The following HDGFL1 variants were observed in gnomAD, a reference collection of about 807,000 sequenced individuals.
HDGFL1 encodes the protein HDGF like 1.
For missense variants in HDGFL1, 422 were observed against 365.3 expected (o/e 1.16, Z -1.27); for synonymous variants, 190 against 165.1 (o/e 1.15, Z -1.16).
In HDGFL1 at chr6:22,570,111, CGGAGAG is replaced by C. The variant is rs1272006946; in HGVS notation, c.539_544del (p.Glu180_Arg181del). The C allele has an allele frequency of 1.3e-4, 194 of 1,533,996 alleles. No homozygotes were observed. The highest frequency in any genetic ancestry group is 1.6e-4 in the Non-Finnish European group (183 of 1,141,100). ...GCGGAGGCGGAGAGGGCGGCGGAAG[CGGAGAG>C]GGCGGCGGCGGCGGCGGCGGCGACG... is the stretch of plus-strand genomic sequence containing the variant. On this transcript the variant is annotated inframe_deletion, in exon 1 of 1. Transcript: ENST00000510882.
In HDGFL1 at chr6:22,570,861, A is replaced by T. The variant is rs571550087; in HGVS notation, c.*530A>T. 6.0e-6 allele frequency: 1 copy of T among 167,888 alleles called. No individual in the cohort carries two copies. Among genetic ancestry groups the T allele is most frequent in the Admixed American group, 6.5e-5 (1 of 15,306 alleles). 10.4% of individuals were successfully genotyped at this position (167,888 alleles called of 1,614,324 possible). On this transcript the variant is annotated 3_prime_UTR_variant, in exon 1 of 1. Transcript: ENST00000510882. ...GTGGTAGTTAGCGGGCAGGAGAGCG[A>T]CATCTTCCTGAGCTCCTGTCCATGC...
Position 22,569,873 on chromosome 6 carries a change from G to A in HDGFL1, c.298G>A (p.Gly100Ser). The A allele has an allele frequency of 1.3e-6, 2 of 1,587,720 alleles. No individual in the cohort carries two copies. Among genetic ancestry groups the A allele is most frequent in the Non-Finnish European group, 1.7e-6 (2 of 1,167,182 alleles). The change falls in exon 1 of 1, where the codon GGC (glycine) becomes AGC (serine). Residue 100 changes from glycine to serine, a missense_variant. Gly to Ser is a moderately conservative substitution (Grantham distance 56). Transcript: ENST00000510882. ...CGACTGCCCATTAGCCTCAGAGAAG[G>A]GCAGCGGAGACGGGCCTTGGCCGGA... is the stretch of plus-strand genomic sequence containing the variant. ...ASDCPLASEK[G>S]SGDGPWPEPE...
chr6:22,570,251 G>T, the HDGFL1 span: 1 of 1,555,116 alleles, frequency 6.4e-7, no homozygotes. Flanking sequence ...GGAGCTCCGG[G>T]AGGAAGAAGT....
At position 22,570,356 on chromosome 6, in the gene HDGFL1, C is replaced by T. The variant is rs1204386862; in HGVS notation, c.*25C>T. The T allele has an allele frequency of 1.4e-6, 2 of 1,431,984 alleles. No individual in the cohort carries two copies. The highest frequency in any genetic ancestry group is 5.3e-5 in the East Asian group (2 of 37,394). 88.7% of individuals were successfully genotyped at this position (1,431,984 alleles called of 1,614,324 possible). Reference sequence around the variant, plus strand: ...GTTACCAGCGTTTCCAGAAGAGCCCCTGCCCCGTTCCTGCTGCGGCCTGGC... The same window carrying T: ...GTTACCAGCGTTTCCAGAAGAGCCCTTGCCCCGTTCCTGCTGCGGCCTGGC... On this transcript the variant is annotated 3_prime_UTR_variant, in exon 1 of 1. Coordinates refer to ENST00000510882, the MANE Select transcript of HDGFL1 (RefSeq NM_138574.4).
Position 22,570,498 on chromosome 6 carries a change from C to A in HDGFL1, c.*167C>A. 5.2e-6 allele frequency: 3 copies of A among 578,220 alleles called. No homozygotes were observed. The highest frequency in any genetic ancestry group is 4.4e-5 in the South Asian group (1 of 22,482). 35.8% of individuals were successfully genotyped at this position (578,220 alleles called of 1,614,324 possible). A position where few individuals can be genotyped will look rare whatever the true frequency, so the allele number is the denominator to read the frequency against. Reference sequence around the variant, plus strand: ...GCCGGGCCCCAGGATGGCAGGCCACCTGACTCTCACCTCTGTGCCCCCACG... The same window carrying A: ...GCCGGGCCCCAGGATGGCAGGCCACATGACTCTCACCTCTGTGCCCCCACG... On this transcript the variant is annotated 3_prime_UTR_variant, in exon 1 of 1. Coordinates refer to ENST00000510882, the MANE Select transcript of HDGFL1 (RefSeq NM_138574.4).
chr6:22,570,185 G>T lies in HDGFL1; in HGVS notation c.610G>T (p.Gly204Cys). The change falls in exon 1 of 1, where the codon GGC (glycine) becomes TGC (cysteine). Residue 204 changes from glycine (G) to cysteine (C), a missense_variant. Coordinates refer to ENST00000510882, the MANE Select transcript of HDGFL1 (RefSeq NM_138574.4). ...ESPFLVAVEN[G>C]SAPSEPGLVC... ...TCCGTTCCTCGTGGCGGTGGAGAAC[G>T]GCAGCGCCCCTAGCGAGCCGGGCCT... 1 of 1,562,700 alleles carries T rather than the reference G, an allele frequency of 6.4e-7. No homozygotes were observed.
rs1760879082 is a variant in HDGFL1 at position 22,569,677 on chromosome 6, G to A, written c.102G>A (p.Gln34=). 4 of 1,614,182 alleles carry A rather than the reference G, an allele frequency of 2.5e-6. No individual in the cohort carries two copies. Among genetic ancestry groups the A allele is most frequent in the Non-Finnish European group, 2.5e-6 (3 of 1,180,036 alleles). Residue 34 remains glutamine (Q), a synonymous_variant, in exon 1 of 1, where the codon CAG becomes CAA. Transcript: ENST00000510882. ...HWPARIEHMT[Q]PNRYQVFFFG... ...CGGCGAGGATAGAGCACATGACCCAGCCCAACCGCTACCAGGTGTTTTTCT... is the reference window on the plus strand; with the variant it reads ...CGGCGAGGATAGAGCACATGACCCAACCCAACCGCTACCAGGTGTTTTTCT...
rs1222383319 is a variant in HDGFL1 at position 22,570,143 on chromosome 6, G to A, written c.568G>A (p.Ala190Thr). 6.5e-7 allele frequency: 1 copy of A among 1,539,738 alleles called. No homozygotes were observed. The highest frequency in any genetic ancestry group is 8.7e-7 in the Non-Finnish European group (1 of 1,146,334). Residue 190 changes from alanine (A) to threonine (T), a missense_variant, in exon 1 of 1, where the codon GCC becomes ACC. Physicochemically the swap from Ala to Thr is moderately conservative, Grantham distance 58. Transcript: ENST00000510882. ...GGCGGCGGCGGCGGCGGCGGCGACG[G>A]CCGTCGACGAGGAGAGTCCGTTCCT... Reference protein sequence around the residue: ...ERAAAAAAATAVDEESPFLVA... With the variant: ...ERAAAAAAATTVDEESPFLVA...
In HDGFL1 at chr6:22,570,210, T is replaced by G. The variant is rs921960134; in HGVS notation, c.635T>G (p.Leu212Arg). Residue 212 changes from leucine (L) to arginine (R), a missense_variant, in exon 1 of 1, where the codon CTG (leucine) becomes CGG (arginine). Transcript: ENST00000510882. ...GGCAGCGCCCCTAGCGAGCCGGGCCTGGTCTGCGAGCCGCCTCAGCCAGAG... is the reference window on the plus strand; with the variant it reads ...GGCAGCGCCCCTAGCGAGCCGGGCCGGGTCTGCGAGCCGCCTCAGCCAGAG... ...ENGSAPSEPG[L>R]VCEPPQPEEE... 3.2e-6 allele frequency: 5 copies of G among 1,567,112 alleles called. No homozygotes were observed. The highest frequency in any genetic ancestry group is 4.3e-6 in the Non-Finnish European group (5 of 1,161,642).
rs1190580663 is a variant in HDGFL1, at chr6:22,570,618, G to GCCACCCCACC, written c.*300_*309dup. ...GCTCCCTCTTCTCCCCCCTCTACCC[G>GCCACCCCACC]CCACCCCACCCCACCCCACCCCCGC... is the stretch of plus-strand genomic sequence containing the variant. On this transcript the variant is annotated 3_prime_UTR_variant, in exon 1 of 1. Transcript: ENST00000510882. 2.8e-5 allele frequency: 6 copies of GCCACCCCACC among 217,478 alleles called. No homozygotes were observed. Among genetic ancestry groups the GCCACCCCACC allele is most frequent in the East Asian group, 1.6e-4 (3 of 18,774 alleles). The allele number at this position is 217,478 out of a possible 1,614,324, so 13.5% of individuals were successfully genotyped here.
rs11751669 is a variant in HDGFL1 at position 22,570,808 on chromosome 6, A to G, written c.*477A>G. Reference sequence around the variant, plus strand: ...CAGATAAAGAGCAGAGGGCACTTGCAGGGCCTGGGATGAGCAGTCTTCAAG... The same window carrying G: ...CAGATAAAGAGCAGAGGGCACTTGCGGGGCCTGGGATGAGCAGTCTTCAAG... On this transcript the variant is annotated 3_prime_UTR_variant, in exon 1 of 1. Transcript: ENST00000510882. 0.21 allele frequency: 35,001 copies of G among 170,094 alleles called. 4,160 individuals carry two copies. Among genetic ancestry groups the G allele is most frequent in the Middle Eastern group, 0.29 (89 of 304 alleles). 10.5% of individuals were successfully genotyped at this position (170,094 alleles called of 1,614,324 possible).
At position 22,570,842 on chromosome 6, in the gene HDGFL1, G is replaced by T. The variant is rs576775275; in HGVS notation, c.*511G>T. On this transcript the variant is annotated 3_prime_UTR_variant, in exon 1 of 1. Transcript: ENST00000510882. ...GATGAGCAGTCTTCAAGCTGTGGTA[G>T]TTAGCGGGCAGGAGAGCGACATCTT... 1 of 168,570 alleles carries T rather than the reference G, an allele frequency of 5.9e-6. No individual in the cohort carries two copies. The highest frequency in any genetic ancestry group is 2.4e-5 in the African/African-American group (1 of 41,468). 10.4% of individuals were successfully genotyped at this position (168,570 alleles called of 1,614,324 possible). A position where few individuals can be genotyped will look rare whatever the true frequency, so the allele number is the denominator to read the frequency against.
In HDGFL1 at chr6:22,570,076, AGAG is replaced by A. The variant is rs1368098234; in HGVS notation, c.509_511del (p.Glu170del). On this transcript the variant is annotated inframe_deletion, in exon 1 of 1. Transcript: ENST00000510882. ...GACCCAAGGAGGCAGCCCCCGACCA[AGAG>A]GAGGAGGCGGAGGCGGAGAGGGCGG... 3 of 1,541,148 alleles carry A rather than the reference AGAG, an allele frequency of 1.9e-6. No homozygotes were observed. The highest frequency in any genetic ancestry group is 2.4e-5 in the East Asian group (1 of 41,234).
rs767929937 is a variant in HDGFL1, at chr6:22,570,238, G to A, written c.663G>A (p.Glu221=). Reference sequence around the variant, plus strand: ...TCTGCGAGCCGCCTCAGCCAGAGGAGGAGGAGCTCCGGGAGGAAGAAGTCG... The same window carrying A: ...TCTGCGAGCCGCCTCAGCCAGAGGAAGAGGAGCTCCGGGAGGAAGAAGTCG... The part of the protein sequence containing the change: ...GLVCEPPQPE[E]EELREEEVAD... Residue 221 remains glutamate (E), a synonymous_variant, in exon 1 of 1, where the codon GAG becomes GAA. Coordinates refer to ENST00000510882, the MANE Select transcript of HDGFL1 (RefSeq NM_138574.4). 127 of 1,562,220 alleles carry A rather than the reference G, an allele frequency of 8.1e-5. No individual in the cohort carries two copies. The highest frequency in any genetic ancestry group is 1.1e-4 in the Non-Finnish European group (124 of 1,160,276).
chr6:22,570,117 GGGC>G lies in HDGFL1; in HGVS notation c.562_564del (p.Ala188del), dbSNP rs536582109. On this transcript the variant is annotated inframe_deletion, in exon 1 of 1. Coordinates refer to ENST00000510882, the MANE Select transcript of HDGFL1 (RefSeq NM_138574.4). ...GCGGAGAGGGCGGCGGAAGCGGAGAGGGCGGCGGCGGCGGCGGCGGCGACGGCC... is the reference window on the plus strand; with the variant it reads ...GCGGAGAGGGCGGCGGAAGCGGAGAGGGCGGCGGCGGCGGCGGCGACGGCC... 938 of 1,528,576 alleles carry G rather than the reference GGGC, an allele frequency of 6.1e-4. No individual in the cohort carries two copies. The highest frequency in any genetic ancestry group is 7.5e-4 in the Non-Finnish European group (853 of 1,138,928). The allele number at this position is 1,528,576 out of a possible 1,614,324, so 94.7% of individuals were successfully genotyped here. A position where few individuals can be genotyped will look rare whatever the true frequency, so the allele number is the denominator to read the frequency against.
Position 22,570,950 on chromosome 6 carries a change from C to T in HDGFL1, c.*619C>T, listed in dbSNP as rs1760914594. The T allele has an allele frequency of 6.0e-6, 1 of 167,086 alleles. No homozygotes were observed. Among genetic ancestry groups the T allele is most frequent in the African/African-American group, 2.4e-5 (1 of 41,436 alleles). The allele number at this position is 167,086 out of a possible 1,614,324, so 10.4% of individuals were successfully genotyped here. On this transcript the variant is annotated 3_prime_UTR_variant, in exon 1 of 1. Transcript: ENST00000510882. The stretch of plus-strand genomic sequence containing the variant: ...GGCAGCATGTGGGGAATGCCCCCCG[C>T]CTTCCACAAATCCTTTTGCTGACCC...
rs987484618 is a variant in HDGFL1, at chr6:22,570,424, C to T, written c.*93C>T. 9 of 1,297,270 alleles carry T rather than the reference C, an allele frequency of 6.9e-6. No homozygotes were observed. Among genetic ancestry groups the T allele is most frequent in the Non-Finnish European group, 7.1e-6 (7 of 983,696 alleles). The allele number at this position is 1,297,270 out of a possible 1,614,324, so 80.4% of individuals were successfully genotyped here. On this transcript the variant is annotated 3_prime_UTR_variant, in exon 1 of 1. Transcript: ENST00000510882. ...ACCACGGCGTGCAAACTGGGACTGC[C>T]TTTCCCTCTCCTCAGCCCGTCCTCC...
rs1394015838 is a variant in HDGFL1, at chr6:22,569,824, G to A, written c.249G>A (p.Glu83=). 4.3e-6 allele frequency: 7 copies of A among 1,612,616 alleles called. No individual in the cohort carries two copies. The highest frequency in any genetic ancestry group is 1.7e-5 in the Admixed American group (1 of 59,850). Residue 83 remains glutamate (E), a synonymous_variant, in exon 1 of 1, where the codon GAG becomes GAA. Transcript: ENST00000510882. ...RGFSAGLWEI[E]NNPTVQASDC... ...TCAGCGCGGGGCTGTGGGAAATCGA[G>A]AACAACCCCACGGTCCAGGCCTCCG...
rs1284317180 is a variant in HDGFL1, at chr6:22,569,595, C to T, written c.20C>T (p.Pro7Leu). Residue 7 changes from proline to leucine, a missense_variant, in exon 1 of 1, where the codon CCC (proline) becomes CTC (leucine). Physicochemically the swap from Pro to Leu is moderately conservative, Grantham distance 98. Transcript: ENST00000510882. MSAYGM[P>L]MYKSGDLVFA... Reference sequence around the variant, plus strand: ...CCAGCTATGTCGGCCTACGGCATGCCCATGTACAAGAGCGGGGACCTGGTG... The same window carrying T: ...CCAGCTATGTCGGCCTACGGCATGCTCATGTACAAGAGCGGGGACCTGGTG... The T allele has an allele frequency of 6.2e-7, 1 of 1,614,054 alleles. No homozygotes were observed. Among genetic ancestry groups the T allele is most frequent in the Non-Finnish European group, 8.5e-7 (1 of 1,179,964 alleles).
Sources: allele counts gnomAD v4.1 joint callset, GRCh38; gene constraint gnomAD v4.1.1; transcripts MANE v1.5; gene names NCBI Gene and HGNC (gene_info 2026-07-23, HGNC 2026-07-21).